The following A2M variants were observed in gnomAD, a reference collection of about 807,000 sequenced individuals.
The protein encoded by A2M is alpha-2-macroglobulin, also known as C3 and PZP-like alpha-2-macroglobulin domain-containing protein 5.
A neutral mutation model predicts 183.9 loss-of-function variants in A2M; 128 were observed. The ratio of observed to expected loss-of-function variants is 0.70; its 90% confidence interval spans 0.60 to 0.81. The LOEUF is 0.81. A2M is among the 30% of genes least tolerant of loss of function. The pLI, the probability that A2M is intolerant of heterozygous loss-of-function variation, is 0.00. For missense variants in A2M, 1,495 were observed against 1,787.6 expected, an observed-to-expected ratio of 0.84 and a Z score of 2.95; for synonymous variants, 592 against 670.8, an observed-to-expected ratio of 0.88 and a Z score of 1.81.
chr12:9,071,958 C>T (rs1262137910), intron 31 of A2M, among the ~76,000 whole-genome samples: 3 of 152,086 alleles, frequency 2.0e-5, no homozygotes, highest in Non-Finnish European at 4.4e-5. Flanking sequence ...TCATATATAA[C>T]CTGAGATTTA....
chr12:9,093,916 CAACA>C (rs778396959), intron 17 of A2M, among the ~76,000 whole-genome samples: 82 of 147,686 alleles, frequency 5.6e-4, no homozygotes, highest in Middle Eastern at 3.5e-3. Flanking sequence ...AACAAACAAA[CAACA>C]AAAAAAAACA....
chr12:9,069,132 T>A, intron 33 of A2M: 1 of 227,758 alleles, frequency 4.4e-6, no homozygotes, highest in Non-Finnish European at 8.5e-6. Flanking sequence ...GTTCATTTTT[T>A]AATATCCAGA....
At chr12:9,091,117 C>T (rs1949198675) in intron 19 of A2M, 84 bp downstream of exon 19, 1 of 1,463,642 alleles carries the variant, frequency 6.8e-7, no homozygotes, top group African/African-American at 1.4e-5. Context: ...ATTTTGCATA[C>T]AAGAGTTTGC....
Position 9,079,790 on chromosome 12 carries a change from T to G in A2M, c.2880A>C (p.Gln960His), listed in dbSNP as rs774576004. The G allele has an allele frequency of 8.1e-6, 13 of 1,611,472 alleles. No individual in the cohort carries two copies. Among genetic ancestry groups the G allele is most frequent in the Non-Finnish European group, 1.1e-5 (13 of 1,178,884 alleles). Reference sequence around the variant, plus strand: ...GCATCTGGAGAAGATTTTGTGTGTTTTGCATGGCAGAGCCTAATATGTCTC... The same window carrying G: ...GCATCTGGAGAAGATTTTGTGTGTTGTGCATGGCAGAGCCTAATATGTCTC... ...VLGDILGSAMQNTQNLLQMPY... is the reference protein window; with the variant it reads ...VLGDILGSAMHNTQNLLQMPY... Residue 960 changes from glutamine (Q) to histidine (H), a missense_variant, in exon 24 of 36, where the codon CAA becomes CAC. Physicochemically the swap from Gln to His is conservative, Grantham distance 24. Coordinates refer to ENST00000318602, the MANE Select transcript of A2M (RefSeq NM_000014.6).
intron 22 of A2M, among the ~76,000 whole-genome samples, chr12:9,087,189 C>T (rs926781373): frequency 6.6e-6 from 1 of 151,998 alleles, no homozygotes; most frequent in Non-Finnish European, 1.5e-5. Flanking sequence ...GTTAAAATGT[C>T]CACACTACCC....
In A2M at chr12:9,091,240, G is replaced by A. The variant is rs767631712; in HGVS notation, c.2430C>T (p.Leu810=). The change falls in exon 19 of 36, where the codon CTC becomes CTT. Residue 810 remains leucine, a synonymous_variant. Transcript: ENST00000318602. ...GAAGGTAGTTTAGGACCGTGGCCTT[G>A]AGTGTGAAGGCCTCTCCACGAATCA... The part of the protein sequence containing the change: ...YSVIRGEAFT[L]KATVLNYLPK... The A allele has an allele frequency of 1.2e-6, 2 of 1,614,214 alleles. No individual in the cohort carries two copies. The highest frequency in any genetic ancestry group is 1.7e-6 in the Non-Finnish European group (2 of 1,180,036).
intron 17 of A2M, among the ~76,000 whole-genome samples, chr12:9,094,340 CATATATATAT>C (rs59647548): frequency 8.8e-4 from 85 of 97,032 alleles, no homozygotes; most frequent in South Asian, 2.8e-3. Context: ...AAAAATTGTG[CATATATATAT>C]ATATATATAT....
intron 23 of A2M, 49 bp downstream of exon 23, chr12:9,080,045 T>A: frequency 2.5e-6 from 3 of 1,201,036 alleles, no homozygotes; most frequent in Non-Finnish European, 3.5e-6. Context: ...ATAAAAATAG[T>A]ATAATAGAAG....
At position 9,101,504 on chromosome 12, in the gene A2M, A is replaced by G; in HGVS notation, c.1437T>C (p.His479=). The G allele has an allele frequency of 6.2e-7, 1 of 1,613,902 alleles. No individual in the cohort carries two copies. Among genetic ancestry groups the G allele is most frequent in the Non-Finnish European group, 8.5e-7 (1 of 1,179,860 alleles). The stretch of plus-strand genomic sequence containing the variant: ...GCAGGGTGCCTCCATTCAGAATATA[A>G]TGTGCCTGGACTGTCTGAGTATGGC... ...PCGHTQTVQA[H]YILNGGTLLG... Residue 479 remains histidine, a synonymous_variant, in exon 12 of 36, where the codon CAT becomes CAC. Transcript: ENST00000318602.
chr12:9,111,764 A>G (rs1938744902), intron 4 of A2M, among the ~76,000 whole-genome samples: 1 of 152,234 alleles, frequency 6.6e-6, no homozygotes, highest in Admixed American at 6.5e-5. Flanking sequence ...TGAGGAACAA[A>G]TTAATTACCC....
At chr12:9,095,435 A>G in intron 16 of A2M, 104 bp downstream of exon 16, 1 of 1,147,050 alleles carries the variant, frequency 8.7e-7, no homozygotes, top group Non-Finnish European at 1.2e-6. Flanking sequence ...TTTATATCCC[A>G]TTACCCTCAA....
chr12:9,113,378 G>A lies in A2M; in HGVS notation c.252C>T (p.Leu84=), dbSNP rs200324863. Residue 84 remains leucine (L), a synonymous_variant, in exon 2 of 36, where the codon CTC becomes CTT. Coordinates refer to ENST00000318602, the MANE Select transcript of A2M (RefSeq NM_000014.6). ...CACTCACAGCGAAGGCGACACAGTG[G>A]AGTACGTCATTCTCCGCCTCCAGGT... is the stretch of plus-strand genomic sequence containing the variant. ...FTDLEAENDV[L]HCVAFAVPKS... 326 of 1,613,392 alleles carry A rather than the reference G, an allele frequency of 2.0e-4. No homozygotes were observed. The highest frequency in any genetic ancestry group is 2.6e-4 in the Non-Finnish European group (307 of 1,179,886).
intron 28 of A2M, among the ~76,000 whole-genome samples, chr12:9,075,403 G>A (rs147462835): frequency 6.6e-6 from 1 of 151,978 alleles, no homozygotes; most frequent in African/African-American, 2.4e-5. Context: ...AAGAAAACAG[G>A]CACATGAGTA....
At chr12:9,113,643 C>T (rs1043118211) in intron 1 of A2M, 100 bp from the exon 2 acceptor site, 11 of 1,192,254 alleles carry the variant, frequency 9.2e-6, no homozygotes, top group Non-Finnish European at 1.3e-5. Context: ...ATCAGTTCTA[C>T]ACCAAGAGAA....
At chr12:9,084,235 A>G (rs73244203) in intron 22 of A2M, among the ~76,000 whole-genome samples, 2,558 of 152,250 alleles carry the variant, frequency 0.017, 76 homozygotes, top group African/African-American at 0.059. Flanking sequence ...TTAATAATAC[A>G]AAAACACAAA....
intron 33 of A2M, chr12:9,069,190 A>T (rs1165301688): frequency 1.3e-5 from 2 of 152,908 alleles, no homozygotes; most frequent in South Asian, 1.9e-4. Flanking sequence ...ACTTGCGTAG[A>T]CTCAAAGAGG....
intron 29 of A2M, among the ~76,000 whole-genome samples, chr12:9,074,087 T>TAAA (rs3080599): frequency 3.0e-5 from 4 of 131,584 alleles, no homozygotes; most frequent in Non-Finnish European, 4.8e-5. Flanking sequence ...GACTCTGTCT[T>TAAA]AAAAAAAAAA....
Position 9,099,518 on chromosome 12 carries a change from C to T in A2M, c.1564G>A (p.Gly522Ser). The T allele has an allele frequency of 6.2e-7, 1 of 1,607,556 alleles. No individual in the cohort carries two copies. Among genetic ancestry groups the T allele is most frequent in the Non-Finnish European group, 8.5e-7 (1 of 1,177,072 alleles). The part of the protein sequence containing the change: ...GLLVKQEDMK[G>S]HFSISIPVKS... ...ACAGGGATTGAGATGGAAAAATGGCCCTTCACTGGGGCACAAAGAGAATGA... is the reference window on the plus strand; with the variant it reads ...ACAGGGATTGAGATGGAAAAATGGCTCTTCACTGGGGCACAAAGAGAATGA... The change falls in exon 14 of 36, where the codon GGC (glycine) becomes AGC (serine). Residue 522 changes from glycine (G) to serine (S), a missense_variant. By Grantham distance (56) the Gly-to-Ser change is moderately conservative (BLOSUM62 0). Coordinates refer to ENST00000318602, the MANE Select transcript of A2M (RefSeq NM_000014.6).
rs1230570618 is a variant in A2M at position 9,072,850 on chromosome 12, C to T, written c.3778G>A (p.Ala1260Thr). ...STQDTVVALHALSKYGAATFT... is the reference protein window; with the variant it reads ...STQDTVVALHTLSKYGAATFT... ...GTGGCTGCTCCATATTTGGACAGAG[C>T]ATGGAGAGCCACCACTGTGTCCTGT... Residue 1260 changes from alanine (A) to threonine (T), a missense_variant, in exon 30 of 36, where the codon GCT (alanine) becomes ACT (threonine). Physicochemically the swap from Ala to Thr is moderately conservative, Grantham distance 58. Transcript: ENST00000318602. 6.2e-7 allele frequency: 1 copy of T among 1,613,940 alleles called. No homozygotes were observed. The highest frequency in any genetic ancestry group is 8.5e-7 in the Non-Finnish European group (1 of 1,179,906).
Sources: allele counts gnomAD v4.1 joint callset (sites outside exome capture counted in the v4.1 genomes callset), GRCh38; gene constraint gnomAD v4.1.1; transcripts MANE v1.5; gene names NCBI Gene and HGNC (gene_info 2026-07-23, HGNC 2026-07-21).